The following STK39 variants were observed in gnomAD, a reference collection of about 807,000 sequenced individuals.
The protein encoded by STK39 is serine/threonine kinase 39, also known as STE20/SPS1-related proline-alanine-rich protein kinase.
In STK39, 20 loss-of-function variants were observed where a neutral mutation model predicts 77.8. The observed-to-expected ratio is 0.26, with a 90% CI of 0.18 to 0.37. The LOEUF (loss-of-function observed/expected upper bound fraction) is 0.37. Among genes scored for constraint, STK39 ranks in the 10% least tolerant of loss-of-function variants. The probability of loss-of-function intolerance (pLI) is 1.00; values close to 1 mark genes in which losing one functional copy is unlikely to be tolerated. For synonymous variants in STK39, 246 were observed against 234.1 expected (o/e 1.05, Z -0.47); for missense variants, 479 against 656.5 (o/e 0.73, Z 2.95).
intron 15 of STK39, among the ~76,000 whole-genome samples, chr2:168,016,698 GCTCAACC>G (rs1388938700): frequency 6.6e-6 from 1 of 152,210 alleles, no homozygotes; most frequent in Non-Finnish European, 1.5e-5. Flanking sequence ...TCCCACTGCT[GCTCAACC>G]CTCATTAGGA....
chr2:168,163,205 T>C (rs79168465), intron 4 of STK39, among the ~76,000 whole-genome samples: 1 of 152,308 alleles, frequency 6.6e-6, no homozygotes, highest in Non-Finnish European at 1.5e-5. Context: ...GATTTGACTA[T>C]GTAAAGAATT....
intron 16 of STK39, among the ~76,000 whole-genome samples, chr2:167,986,985 G>T (rs1012629549): frequency 6.6e-6 from 1 of 152,172 alleles, no homozygotes; most frequent in African/African-American, 2.4e-5. Flanking sequence ...AATGAAAAGG[G>T]CCAACAAGAC....
At chr2:168,064,275 T>A (rs2105386139) in intron 13 of STK39, among the ~76,000 whole-genome samples, 1 of 152,320 alleles carries the variant, frequency 6.6e-6, no homozygotes, top group Admixed American at 6.5e-5. Flanking sequence ...GTTATCCTAA[T>A]CCCTGTTCCC....
chr2:168,247,501 T>C lies in STK39; in HGVS notation c.-66A>G. On this transcript the variant is annotated 5_prime_UTR_variant, in exon 1 of 18. Coordinates refer to ENST00000355999, the MANE Select transcript of STK39 (RefSeq NM_013233.3). Reference sequence around the variant, plus strand: ...ACGACCTTCCACTTGAAACTTCCTTTGCCTCGCCGCCGACACCTCTCGGCC... The same window carrying C: ...ACGACCTTCCACTTGAAACTTCCTTCGCCTCGCCGCCGACACCTCTCGGCC... 1 of 1,179,494 alleles carries C rather than the reference T, an allele frequency of 8.5e-7. No individual in the cohort carries two copies. 73.1% of individuals were successfully genotyped at this position (1,179,494 alleles called of 1,614,324 possible).
chr2:168,182,329 T>C (rs972641240), intron 1 of STK39, among the ~76,000 whole-genome samples: 1 of 152,146 alleles, frequency 6.6e-6, no homozygotes, highest in South Asian at 2.1e-4. Context: ...ACAAGGGACA[T>C]GAGCATCTAC....
chr2:168,040,919 T>C (rs988340967), intron 14 of STK39, among the ~76,000 whole-genome samples: 6 of 152,216 alleles, frequency 3.9e-5, no homozygotes, highest in Non-Finnish European at 8.8e-5. Flanking sequence ...GACGTTTCTC[T>C]CTTTTTTAGT....
At chr2:168,177,940 T>A (rs938249049) in intron 2 of STK39, among the ~76,000 whole-genome samples, 24 of 152,064 alleles carry the variant, frequency 1.6e-4, no homozygotes, top group African/African-American at 5.6e-4. Context: ...CAGAAAAACA[T>A]CCCTTAGTTC....
chr2:168,132,281 C>T (rs977984665), intron 8 of STK39, among the ~76,000 whole-genome samples: 1 of 152,124 alleles, frequency 6.6e-6, no homozygotes, highest in African/African-American at 2.4e-5. Context: ...TTGAAGCCCT[C>T]ATCATCTCTG....
At chr2:168,188,938 G>A (rs1380584936) in intron 1 of STK39, among the ~76,000 whole-genome samples, 3 of 152,174 alleles carry the variant, frequency 2.0e-5, no homozygotes, top group African/African-American at 7.2e-5. Context: ...GCAAGACCAT[G>A]TTTCTCAAGG....
intron 14 of STK39, among the ~76,000 whole-genome samples, chr2:168,061,674 A>C (rs1685668520): frequency 6.6e-6 from 1 of 152,256 alleles, no homozygotes; most frequent in African/African-American, 2.4e-5. Context: ...AAGGTGAGCA[A>C]CTAGGATTGC....
chr2:167,978,026 C>T (rs1683325716), intron 16 of STK39, among the ~76,000 whole-genome samples: 2 of 152,046 alleles, frequency 1.3e-5, no homozygotes, highest in Non-Finnish European at 2.9e-5. Flanking sequence ...TCTTCTGTTC[C>T]TGGGTGGGAT....
chr2:168,009,625 T>C (rs1684219290), intron 16 of STK39, among the ~76,000 whole-genome samples: 1 of 152,212 alleles, frequency 6.6e-6, no homozygotes, highest in African/African-American at 2.4e-5. Flanking sequence ...CTTTACCTTA[T>C]AGAATTGATG....
At chr2:168,203,713 C>T (rs368818575) in intron 1 of STK39, among the ~76,000 whole-genome samples, 1 of 152,242 alleles carries the variant, frequency 6.6e-6, no homozygotes, top group East Asian at 1.9e-4. Flanking sequence ...CTGTCTCAGC[C>T]TCCCAAGTAG....
At chr2:168,024,877 T>C (rs1684657953) in intron 14 of STK39, among the ~76,000 whole-genome samples, 1 of 152,198 alleles carries the variant, frequency 6.6e-6, no homozygotes, top group East Asian at 1.9e-4. Flanking sequence ...AATCACAGTC[T>C]GAACAACAGA....
chr2:168,044,071 A>T (rs1279917193), intron 14 of STK39, among the ~76,000 whole-genome samples: 1 of 152,212 alleles, frequency 6.6e-6, no homozygotes, highest in Non-Finnish European at 1.5e-5. Flanking sequence ...GCCCTTGTTC[A>T]TCTCTGCAAC....
chr2:168,236,899 T>A (rs1021482602), intron 1 of STK39, among the ~76,000 whole-genome samples: 3 of 152,140 alleles, frequency 2.0e-5, no homozygotes, highest in Admixed American at 6.6e-5. Context: ...TCCAGCTTTG[T>A]TCTTTTGTCT....
intron 10 of STK39, chr2:168,113,153 A>G (rs1687164963): frequency 6.6e-6 from 1 of 152,256 alleles, no homozygotes; most frequent in African/African-American, 2.4e-5. Flanking sequence ...AGGATATGTC[A>G]AAGGCTAATT....
chr2:168,103,391 T>C (rs1023088468), intron 10 of STK39, among the ~76,000 whole-genome samples: 2 of 152,240 alleles, frequency 1.3e-5, no homozygotes, highest in African/African-American at 4.8e-5. Context: ...CAAGTAGGCT[T>C]CAAAATAGCC....
intron 15 of STK39, among the ~76,000 whole-genome samples, chr2:168,013,409 A>G (rs970996115): frequency 2.0e-5 from 3 of 152,362 alleles, no homozygotes; most frequent in South Asian, 4.1e-4. Context: ...ACATGATCAC[A>G]CTAATCTTCT....
Sources: allele counts gnomAD v4.1 joint callset (sites outside exome capture counted in the v4.1 genomes callset), GRCh38; gene constraint gnomAD v4.1.1; transcripts MANE v1.5; gene names NCBI Gene and HGNC (gene_info 2026-07-23, HGNC 2026-07-21).